The following DPP10 variants were observed in gnomAD, a reference collection of about 807,000 sequenced individuals.
The protein encoded by DPP10 is inactive dipeptidyl peptidase 10.
In DPP10, 33 loss-of-function variants were observed where a neutral mutation model predicts 120.9. The observed-to-expected ratio is 0.27, with a 90% CI of 0.21 to 0.37. The LOEUF (loss-of-function observed/expected upper bound fraction) is 0.37. Among genes scored for constraint, DPP10 ranks in the 10% least tolerant of loss-of-function variants. DPP10 has a pLI of 1.00. For synonymous variants in DPP10, 337 were observed against 326.1 expected (o/e 1.03, Z -0.36); for missense variants, 816 against 942.8 (o/e 0.87, Z 1.76).
chr2:114,662,218 G>C (rs953579700), intron 1 of DPP10, among the ~76,000 whole-genome samples: 2 of 152,120 alleles, frequency 1.3e-5, no homozygotes, highest in African/African-American at 4.8e-5. Context: ...GTCGCACAGT[G>C]TCCTGAGGGG....
intron 19 of DPP10, among the ~76,000 whole-genome samples, chr2:115,810,527 A>G (rs1236526366): frequency 6.6e-6 from 1 of 152,088 alleles, no homozygotes; most frequent in East Asian, 1.9e-4. Flanking sequence ...TCTATATTTT[A>G]TTATATTGTG....
chr2:114,795,852 T>G (rs1683660812), intron 1 of DPP10, among the ~76,000 whole-genome samples: 1 of 152,156 alleles, frequency 6.6e-6, no homozygotes, highest in Non-Finnish European at 1.5e-5. Context: ...AGTTAAAAAT[T>G]ATCAAAACTC....
At chr2:115,030,749 G>A (rs1037736865) in intron 1 of DPP10, among the ~76,000 whole-genome samples, 4 of 152,112 alleles carry the variant, frequency 2.6e-5, no homozygotes, top group Non-Finnish European at 4.4e-5. Context: ...TTGGTTTTCT[G>A]TTCCTGCATC....
At chr2:115,785,527 T>A (rs1323706859) in intron 17 of DPP10, among the ~76,000 whole-genome samples, 1 of 152,200 alleles carries the variant, frequency 6.6e-6, no homozygotes, top group Non-Finnish European at 1.5e-5. Context: ...ATTATCGGTC[T>A]GTTCAGGGTT....
At chr2:115,803,779 A>G (rs1685562930) in intron 19 of DPP10, among the ~76,000 whole-genome samples, 1 of 152,156 alleles carries the variant, frequency 6.6e-6, no homozygotes, top group African/African-American at 2.4e-5. Context: ...TCTGGCTTCT[A>G]GAGTTTCTGC....
intron 1 of DPP10, among the ~76,000 whole-genome samples, chr2:115,106,116 T>C (rs1573634349): frequency 6.6e-6 from 1 of 152,266 alleles, no homozygotes; most frequent in South Asian, 2.1e-4. Flanking sequence ...GATGGCCTAC[T>C]GTACTTTTGC....
intron 1 of DPP10, among the ~76,000 whole-genome samples, chr2:114,956,642 A>G (rs901476514): frequency 6.6e-6 from 1 of 152,138 alleles, no homozygotes; most frequent in Admixed American, 6.5e-5. Flanking sequence ...GGTAAAAGCA[A>G]TTGTAAGCAA....
intron 3 of DPP10, among the ~76,000 whole-genome samples, chr2:115,432,659 T>TTTTGTG (rs1219114609): frequency 1.5e-5 from 2 of 137,672 alleles, no homozygotes; most frequent in African/African-American, 5.4e-5. Context: ...ATAGGCAATT[T>TTTTGTG]TGTGTGTGTG....
intron 1 of DPP10, among the ~76,000 whole-genome samples, chr2:114,811,205 C>A (rs947827259): frequency 3.3e-5 from 5 of 152,174 alleles, no homozygotes; most frequent in African/African-American, 7.2e-5. Flanking sequence ...TAGATTTCAA[C>A]AGACTGGAGT....
At chr2:114,959,507 C>G (rs1164515878) in intron 1 of DPP10, among the ~76,000 whole-genome samples, 1 of 152,080 alleles carries the variant, frequency 6.6e-6, no homozygotes, top group East Asian at 1.9e-4. Flanking sequence ...CTTCTTTTTG[C>G]CTATTATGAA....
chr2:115,617,289 T>TACAC (rs71394156), intron 5 of DPP10, among the ~76,000 whole-genome samples: 2 of 136,530 alleles, frequency 1.5e-5, no homozygotes, highest in African/African-American at 5.4e-5. Flanking sequence ...TATATATATA[T>TACAC]ACACACATAG....
chr2:115,516,423 C>T (rs1161983890), intron 4 of DPP10, among the ~76,000 whole-genome samples: 1 of 151,976 alleles, frequency 6.6e-6, no homozygotes, highest in African/African-American at 2.4e-5. Flanking sequence ...TATGATATCT[C>T]TGCTTATCAA....
intron 1 of DPP10, among the ~76,000 whole-genome samples, chr2:114,979,136 T>G (rs1699931898): frequency 6.6e-6 from 1 of 152,104 alleles, no homozygotes; most frequent in African/African-American, 2.4e-5. Context: ...CCATTTTCAG[T>G]AGTGTTTTAC....
intron 5 of DPP10, among the ~76,000 whole-genome samples, chr2:115,611,408 C>T (rs2149251639): frequency 6.6e-6 from 1 of 152,242 alleles, no homozygotes; most frequent in South Asian, 2.1e-4. Context: ...ATGGCTTTGC[C>T]AACATTTCTG....
At chr2:115,628,762 AT>A (rs1235424225) in intron 5 of DPP10, among the ~76,000 whole-genome samples, 1 of 151,242 alleles carries the variant, frequency 6.6e-6, no homozygotes, top group African/African-American at 2.4e-5. Context: ...AGCACCATTT[AT>A]TTTACATTTA....
intron 5 of DPP10, among the ~76,000 whole-genome samples, chr2:115,654,389 G>A (rs1166680679): frequency 6.6e-6 from 1 of 151,670 alleles, no homozygotes; most frequent in Non-Finnish European, 1.5e-5. Flanking sequence ...TAAAATACTG[G>A]AATGTCAATA....
At chr2:115,576,282 A>G (rs987655197) in intron 5 of DPP10, among the ~76,000 whole-genome samples, 1 of 152,206 alleles carries the variant, frequency 6.6e-6, no homozygotes, top group African/African-American at 2.4e-5. Flanking sequence ...AATTTCAACA[A>G]TGATAAAGGA....
chr2:115,044,571 GC>G (rs1467804841), intron 1 of DPP10, among the ~76,000 whole-genome samples: 1 of 151,938 alleles, frequency 6.6e-6, no homozygotes, highest in African/African-American at 2.4e-5. Flanking sequence ...ATTAGAAACT[GC>G]CCCCATGATT....
chr2:114,660,867 TCTTA>T (rs1697347466), intron 1 of DPP10, among the ~76,000 whole-genome samples: 1 of 152,210 alleles, frequency 6.6e-6, no homozygotes, highest in South Asian at 2.1e-4. Context: ...GAACTGCAAC[TCTTA>T]CTTTTAGATG....
Sources: gnomAD v4.1 joint callset for allele counts (sites outside exome capture counted in the v4.1 genomes callset) on GRCh38, gnomAD v4.1.1 for gene constraint, MANE v1.5 for transcripts, NCBI Gene and HGNC (gene_info 2026-07-23, HGNC 2026-07-21) for gene names.